RUNDC1: variants seen among roughly 807,000 people sequenced by gnomAD.
RUNDC1 encodes RUN domain-containing protein 1.
A neutral mutation model predicts 49.3 loss-of-function variants in RUNDC1; 31 were observed. The ratio of observed to expected loss-of-function variants is 0.63; its 90% CI spans 0.47 to 0.85. RUNDC1 has a LOEUF of 0.85. RUNDC1 is among the 40% of genes least tolerant of loss of function. The pLI is 0.00. For missense variants in RUNDC1, 715 were observed against 806.7 expected, an observed-to-expected ratio of 0.89 and a Z score of 1.38; for synonymous variants, 347 against 348.6, an observed-to-expected ratio of 1.00 and a Z score of 0.05.
chr17:42,985,630 TCTC>T, intron 1 of RUNDC1: 1 of 367,298 alleles, frequency 2.7e-6, no homozygotes, highest in Non-Finnish European at 3.4e-6. Context: ...ATTTCTTCTC[TCTC>T]ATTACTTACT....
Position 42,980,661 on chromosome 17 carries a change from G to T in RUNDC1, c.85G>T (p.Glu29Ter). The T allele has an allele frequency of 6.3e-7, 1 of 1,591,014 alleles. No homozygotes were observed. The highest frequency in any genetic ancestry group is 2.3e-5 in the East Asian group (1 of 44,134). ...PKAKDEEEEEEEPLPPCEAVR... is the reference protein window; with the variant it reads ...PKAKDEEEEE Reference sequence around the variant, plus strand: ...GGCGAAAGACGAAGAGGAGGAGGAAGAGGAGCCGCTGCCACCGTGCGAGGC... The same window carrying T: ...GGCGAAAGACGAAGAGGAGGAGGAATAGGAGCCGCTGCCACCGTGCGAGGC... Residue 29 changes from glutamate to a stop codon, truncating the protein, a stop_gained, in exon 1 of 5, where the codon GAG (glutamate) becomes TAG (stop). Transcript: ENST00000361677. LOFTEE classifies it high-confidence loss of function.
At chr17:42,984,685 A>G (rs1427231413) in intron 1 of RUNDC1, among the ~76,000 whole-genome samples, 5 of 152,164 alleles carry the variant, frequency 3.3e-5, no homozygotes. Flanking sequence ...GGCAAGTGAC[A>G]GAGTTCAACA....
At chr17:42,989,973 G>A (rs2050217322) in intron 3 of RUNDC1, among the ~76,000 whole-genome samples, 1 of 152,172 alleles carries the variant, frequency 6.6e-6, no homozygotes, top group Non-Finnish European at 1.5e-5. Flanking sequence ...TAAGAGGCTT[G>A]ATGGCTTAGT....
chr17:42,981,648 A>G (rs2050090706), intron 1 of RUNDC1: 1 of 152,168 alleles, frequency 6.6e-6, no homozygotes, highest in Non-Finnish European at 1.5e-5. Context: ...TAATGTTGGA[A>G]TTTTTCCTTT....
rs2050284993 is a variant in RUNDC1, at chr17:42,994,679, G to C, written c.*2963G>C. ...CGGCAGCCATGACTTTCATGTCTAAGTTCTTGAAACCTAAATGTGTGTATC... is the reference window on the plus strand; with the variant it reads ...CGGCAGCCATGACTTTCATGTCTAACTTCTTGAAACCTAAATGTGTGTATC... On this transcript the variant is annotated 3_prime_UTR_variant, in exon 5 of 5. Transcript: ENST00000361677. Among the ~76,000 whole-genome samples the C allele has an allele frequency of 1.3e-5, 2 of 152,216 alleles. No individual in the cohort carries two copies. Among genetic ancestry groups the C allele is most frequent in the African/African-American group, 2.4e-5 (1 of 41,450 alleles).
At chr17:42,986,290 AT>A (rs1235094459) in intron 1 of RUNDC1, among the ~76,000 whole-genome samples, 1 of 151,204 alleles carries the variant, frequency 6.6e-6, no homozygotes, top group Non-Finnish European at 1.5e-5. Context: ...ATTTTTAAAA[AT>A]TTTTTTGTGG....
chr17:42,990,280 G>C (rs752492168), intron 3 of RUNDC1, 37 bp from the exon 4 acceptor site: 1 of 1,610,010 alleles, frequency 6.2e-7, no homozygotes, highest in South Asian at 1.1e-5. Context: ...GCCATAAAGG[G>C]CTAAATAAGT....
At chr17:42,983,267 G>A (rs934082294) in intron 1 of RUNDC1, among the ~76,000 whole-genome samples, 1 of 146,068 alleles carries the variant, frequency 6.8e-6, no homozygotes, top group African/African-American at 2.5e-5. Context: ...TTGTAATCTT[G>A]TATTTATACA....
chr17:42,981,247 CAG>C (rs1259056252), intron 1 of RUNDC1, 173 bp downstream of exon 1: 2 of 825,028 alleles, frequency 2.4e-6, no homozygotes, highest in African/African-American at 1.8e-5. Flanking sequence ...GGCAAGAGGA[CAG>C]AGGCCTGGGA....
chr17:42,990,907 G>A lies in RUNDC1; in HGVS notation c.1033G>A (p.Ala345Thr), dbSNP rs756700931. Residue 345 changes from alanine (A) to threonine (T), a missense_variant, in exon 5 of 5, where the codon GCG becomes ACG. This residue lies in a region of RUNDC1 where 425 missense variants were observed against 499.7 expected (regional missense o/e 0.85). Transcript: ENST00000361677. ...RETGLHLMRRALAVLQIFAVS... is the reference protein window; with the variant it reads ...RETGLHLMRRTLAVLQIFAVS... ...GACGGGGCTGCACCTGATGCGGCGA[G>A]CGCTGGCCGTGCTCCAGATCTTTGC... is the stretch of plus-strand genomic sequence containing the variant. 9 of 1,610,908 alleles carry A rather than the reference G, an allele frequency of 5.6e-6. No homozygotes were observed. The Admixed American group carries it at 1.0e-4, about 18-fold the overall frequency.
chr17:42,987,119 C>T (rs1196288491), intron 1 of RUNDC1, 137 bp from the exon 2 acceptor site: 15 of 589,964 alleles, frequency 2.5e-5, no homozygotes, highest in African/African-American at 7.4e-5. Flanking sequence ...TTGAATCTAT[C>T]GTATGAATTG....
chr17:42,985,463 G>A (rs1000585429), intron 1 of RUNDC1, among the ~76,000 whole-genome samples: 3 of 152,098 alleles, frequency 2.0e-5, no homozygotes, highest in African/African-American at 7.2e-5. Context: ...AGTGGGATAG[G>A]GTTCTAACAG....
At chr17:42,987,468 C>T in intron 2 of RUNDC1, 54 bp downstream of exon 2, 1 of 1,548,768 alleles carries the variant, frequency 6.5e-7, no homozygotes, top group Non-Finnish European at 8.9e-7. Flanking sequence ...CTTGTCCCTT[C>T]CAGCATTCAC....
intron 1 of RUNDC1, among the ~76,000 whole-genome samples, chr17:42,984,280 GT>G (rs1227344186): frequency 0.093 from 12,447 of 134,508 alleles, 524 homozygotes; most frequent in African/African-American, 0.13. Context: ...CTGGCCCCCA[GT>G]TTTTTTTTTT....
intron 1 of RUNDC1, 127 bp downstream of exon 1, chr17:42,981,201 G>A (rs2050080010): frequency 4.0e-6 from 5 of 1,237,918 alleles, no homozygotes; most frequent in Non-Finnish European, 5.4e-6. Flanking sequence ...TACGTGTGTC[G>A]GAGACCAGGG....
intron 1 of RUNDC1, among the ~76,000 whole-genome samples, chr17:42,983,800 T>A (rs1333751889): frequency 1.3e-5 from 2 of 151,962 alleles, no homozygotes; most frequent in African/African-American, 4.8e-5. Flanking sequence ...GCTTCCCAAG[T>A]AGCTGGGACT....
Position 42,987,431 on chromosome 17 carries a change from G to A in RUNDC1, c.657+17G>A. On this transcript the variant is annotated intron_variant, in intron 2 of 4. Transcript: ENST00000361677. ...AGACAGCGGGTGAGCAGACCCCAGA[G>A]GAACCTCCACCACTGCCCGAGGTTA... 1 of 1,613,268 alleles carries A rather than the reference G, an allele frequency of 6.2e-7. No individual in the cohort carries two copies. Among genetic ancestry groups the A allele is most frequent in the East Asian group, 2.2e-5 (1 of 44,868 alleles).
In RUNDC1 at chr17:42,981,019, G is replaced by C; in HGVS notation, c.443G>C (p.Ser148Thr). 6.4e-7 allele frequency: 1 copy of C among 1,552,334 alleles called. No individual in the cohort carries two copies. Among genetic ancestry groups the C allele is most frequent in the South Asian group, 1.2e-5 (1 of 85,312 alleles). ...LGYEGPGDPA[S>T]DEGDGLPGDR... ...TACGAAGGGCCCGGCGACCCCGCCA[G>C]CGATGAGGGCGATGGGCTGCCAGGG... Residue 148 changes from serine (S) to threonine (T), a missense_variant, in exon 1 of 5, where the codon AGC becomes ACC. Coordinates refer to ENST00000361677, the MANE Select transcript of RUNDC1 (RefSeq NM_173079.5).
chr17:42,981,420 T>C lies in RUNDC1; in HGVS notation c.498+346T>C, dbSNP rs958716796. 11 of 265,012 alleles carry C rather than the reference T, an allele frequency of 4.2e-5. No individual in the cohort carries two copies. The Admixed American group carries it at 4.9e-4, about 12-fold the overall frequency. The allele number at this position is 265,012 out of a possible 1,614,324, so 16.4% of individuals were successfully genotyped here. On this transcript the variant is annotated intron_variant, in intron 1 of 4. Coordinates refer to ENST00000361677, the MANE Select transcript of RUNDC1 (RefSeq NM_173079.5). ...ACCTTTCCCTCACGTATCTCAGTCT[T>C]GAACACTTTGGCTGCTAGAGGACCC...
Sources: gnomAD v4.1 joint callset for allele counts (sites outside exome capture counted in the v4.1 genomes callset) on GRCh38, gnomAD v4.1.1 for gene constraint, gnomAD v4.1.1 regional missense constraint, MANE v1.5 for transcripts, NCBI Gene and HGNC (gene_info 2026-07-23, HGNC 2026-07-21) for gene names.